Variants in SFT2D2 observed in about 807,000 individuals in gnomAD.
The protein encoded by SFT2D2 is SFT2 domain containing 2.
A neutral mutation model predicts 27.4 loss-of-function variants in SFT2D2; 21 were observed. The observed-to-expected ratio is 0.77, with a 90% CI of 0.54 to 1.10. The LOEUF is 1.10. Among genes scored for constraint, SFT2D2 ranks in the 50% least tolerant of loss-of-function variants. The pLI, the probability that SFT2D2 is intolerant of heterozygous loss-of-function variation, is 0.00. For synonymous variants in SFT2D2, 72 were observed against 71.7 expected, an observed-to-expected ratio of 1.00 and a Z score of -0.02; for missense variants, 187 against 194.2, an observed-to-expected ratio of 0.96 and a Z score of 0.22.
intron 6 of SFT2D2, among the ~76,000 whole-genome samples, chr1:168,238,719 A>G (rs957040799): frequency 2.6e-5 from 4 of 151,938 alleles, no homozygotes; most frequent in Non-Finnish European, 5.9e-5. Context: ...TAAATAAATA[A>G]ATAAAGGAGG....
intron 3 of SFT2D2, among the ~76,000 whole-genome samples, chr1:168,233,945 A>G (rs975463987): frequency 1.1e-4 from 17 of 152,200 alleles, no homozygotes; most frequent in Admixed American, 9.8e-4. Context: ...CTTAGTTGGG[A>G]CACTTGAGAG....
In SFT2D2 at chr1:168,234,123, C is replaced by T. The variant is rs138696900; in HGVS notation, c.237-978C>T. Among the ~76,000 whole-genome samples, 959 of 152,198 alleles carry T rather than the reference C, an allele frequency of 6.3e-3. 7 individuals carry two copies. The highest frequency in any genetic ancestry group is 0.021 in the African/African-American group (857 of 41,516). On this transcript the variant is annotated intron_variant, in intron 3 of 7. Transcript: ENST00000271375. ...TACAGAAAGCATGCTGGGGGCCAGG[C>T]GCAGTGGCTCACGCCTATAATTCCA...
Position 168,246,671 on chromosome 1 carries a change from C to A in SFT2D2, c.*4131C>A. 1 of 1,227,080 alleles carries A rather than the reference C, an allele frequency of 8.1e-7. No homozygotes were observed. The highest frequency in any genetic ancestry group is 1.2e-6 in the Non-Finnish European group (1 of 848,314). 76.0% of individuals were successfully genotyped at this position (1,227,080 alleles called of 1,614,324 possible). ...TCTGTTGAGTGACTTTGATCATGATCATGTAGAGCAACATTCAGTCTACGA... is the reference window on the plus strand; with the variant it reads ...TCTGTTGAGTGACTTTGATCATGATAATGTAGAGCAACATTCAGTCTACGA... On this transcript the variant is annotated 3_prime_UTR_variant, in exon 8 of 8. Coordinates refer to ENST00000271375, the MANE Select transcript of SFT2D2 (RefSeq NM_199344.3).
At chr1:168,231,984 C>G in intron 3 of SFT2D2, 65 bp downstream of exon 3, 1 of 1,424,544 alleles carries the variant, frequency 7.0e-7, no homozygotes, top group Non-Finnish European at 9.9e-7. Context: ...GTTGGTTGCC[C>G]TTGAGGGAGG....
chr1:168,237,861 GTTTTTT>G lies in SFT2D2; in HGVS notation c.413+1100_413+1105del, dbSNP rs34474940. 1.1e-4 allele frequency among the ~76,000 whole-genome samples: 11 copies of G among 98,366 alleles called. No individual in the cohort carries two copies. The South Asian group carries it at 3.1e-3, about 28-fold the overall frequency. The allele number at this position is 98,366 out of a possible 152,430, so 64.5% of individuals were successfully genotyped here. ...TGTTTATGTGTGTGTGTGTGTGTATGTTTTTTTTTTTTTTAAATGACATGCACATTT... is the reference window on the plus strand; with the variant it reads ...TGTTTATGTGTGTGTGTGTGTGTATGTTTTTTTTAAATGACATGCACATTT... On this transcript the variant is annotated intron_variant, in intron 6 of 7. Transcript: ENST00000271375.
chr1:168,231,943 T>G (rs1430116818), intron 3 of SFT2D2, 24 bp downstream of exon 3: 1 of 1,601,996 alleles, frequency 6.2e-7, no homozygotes, highest in South Asian at 1.1e-5. Context: ...AAAAATCCAA[T>G]TTTAGCCAAT....
intron 1 of SFT2D2, among the ~76,000 whole-genome samples, chr1:168,228,762 G>C (rs1700485412): frequency 6.6e-6 from 1 of 152,088 alleles, no homozygotes; most frequent in Non-Finnish European, 1.5e-5. Flanking sequence ...AGAGTGAAAG[G>C]GACCTTTGTG....
intron 1 of SFT2D2, 45 bp downstream of exon 1, chr1:168,226,187 C>A: frequency 6.7e-7 from 1 of 1,500,202 alleles, no homozygotes; most frequent in Non-Finnish European, 8.9e-7. Flanking sequence ...CGCGCTCCCG[C>A]CCTGCGTCCC....
In SFT2D2 at chr1:168,231,525, A is replaced by G. The variant is rs776666124; in HGVS notation, c.75A>G (p.Ala25=). Residue 25 remains alanine, a synonymous_variant, in exon 2 of 8, where the codon GCA becomes GCG. Coordinates refer to ENST00000271375, the MANE Select transcript of SFT2D2 (RefSeq NM_199344.3). ...DRSGLSEVVE[A]SSLSWSTRIK... is the part of the protein sequence containing the mutation. ...TTTTTCAATTTTAGGTTGTTGAGGC[A>G]TCTTCATTAAGCTGGAGTACCAGGA... is the stretch of plus-strand genomic sequence containing the variant. 5 of 1,613,308 alleles carry G rather than the reference A, an allele frequency of 3.1e-6. No individual in the cohort carries two copies. Among genetic ancestry groups the G allele is most frequent in the Admixed American group, 1.7e-5 (1 of 59,966 alleles).
intron 3 of SFT2D2, among the ~76,000 whole-genome samples, chr1:168,232,398 A>G (rs1310604582): frequency 4.6e-5 from 7 of 152,210 alleles, no homozygotes; most frequent in Non-Finnish European, 8.8e-5. Flanking sequence ...TTGTGGATGC[A>G]CACATTTTCC....
At chr1:168,227,217 T>C (rs1700471779) in intron 1 of SFT2D2, among the ~76,000 whole-genome samples, 1 of 152,252 alleles carries the variant, frequency 6.6e-6, no homozygotes, top group Non-Finnish European at 1.5e-5. Flanking sequence ...TGCTTTTAGC[T>C]TTTGTTTTCC....
Position 168,244,979 on chromosome 1 carries a change from T to C in SFT2D2, c.*2439T>C, listed in dbSNP as rs1347925012. 6.6e-6 allele frequency: 1 copy of C among 152,196 alleles called. No homozygotes were observed. Among genetic ancestry groups the C allele is most frequent in the African/African-American group, 2.4e-5 (1 of 41,434 alleles). The allele number at this position is 152,196 out of a possible 1,614,324, so 9.4% of individuals were successfully genotyped here. ...TAAAATATCTACTGCTAACATCCTA[T>C]GTAATGATGAAAGGCTGAATGTTTT... On this transcript the variant is annotated 3_prime_UTR_variant, in exon 8 of 8. Transcript: ENST00000271375.
rs553606771 is a variant in SFT2D2 at position 168,237,388 on chromosome 1, G to A, written c.413+618G>A. Among the ~76,000 whole-genome samples, 3 of 152,272 alleles carry A rather than the reference G, an allele frequency of 2.0e-5. No homozygotes were observed. In the East Asian group the frequency reaches 5.8e-4, roughly 29 times the overall value. On this transcript the variant is annotated intron_variant, in intron 6 of 7. Transcript: ENST00000271375. ...CAGAGCCAAGTATAGTAAAAGGGCCGCTGGAGACATTTTGGGAAACCATGA... is the reference window on the plus strand; with the variant it reads ...CAGAGCCAAGTATAGTAAAAGGGCCACTGGAGACATTTTGGGAAACCATGA...
chr1:168,235,990 A>T (rs1448264451), intron 4 of SFT2D2, among the ~76,000 whole-genome samples: 1 of 152,192 alleles, frequency 6.6e-6, no homozygotes, highest in Non-Finnish European at 1.5e-5. Context: ...TTTAGGACAT[A>T]TTTGAGTAGT....
chr1:168,242,666 T>C lies in SFT2D2; in HGVS notation c.*126T>C. 8.6e-7 allele frequency: 1 copy of C among 1,161,036 alleles called. No homozygotes were observed. The allele number at this position is 1,161,036 out of a possible 1,614,324, so 71.9% of individuals were successfully genotyped here. ...TTTTATCTTGCAGCAATGTGTTGCT[T>C]GTGATTCGAACATTTGAGGGTTACT... On this transcript the variant is annotated 3_prime_UTR_variant, in exon 8 of 8. Transcript: ENST00000271375.
chr1:168,231,889 A>G lies in SFT2D2; in HGVS notation c.206A>G (p.Tyr69Cys), dbSNP rs749206370. The change falls in exon 3 of 8, where the codon TAT (tyrosine) becomes TGT (cysteine). Residue 69 changes from tyrosine (Y) to cysteine (C), a missense_variant. Tyr to Cys is a radical substitution (Grantham distance 194, BLOSUM62 -2). Coordinates refer to ENST00000271375, the MANE Select transcript of SFT2D2 (RefSeq NM_199344.3). ...GGACTACACCTCTTCGCAGTGTTTTATACCTTTGGTAATATCGCATCAATT... is the reference window on the plus strand; with the variant it reads ...GGACTACACCTCTTCGCAGTGTTTTGTACCTTTGGTAATATCGCATCAATT... ...RKGLHLFAVF[Y>C]TFGNIASIGS... 1 of 1,614,038 alleles carries G rather than the reference A, an allele frequency of 6.2e-7. No homozygotes were observed. Among genetic ancestry groups the G allele is most frequent in the African/African-American group, 1.3e-5 (1 of 74,898 alleles).
intron 1 of SFT2D2, among the ~76,000 whole-genome samples, 196 bp from the exon 2 acceptor site, chr1:168,231,314 TAGAG>T (rs1647273173): frequency 6.6e-6 from 1 of 152,220 alleles, no homozygotes; most frequent in Non-Finnish European, 1.5e-5. Flanking sequence ...TGTCAGCTGC[TAGAG>T]AGGAGATTCA....
In SFT2D2 at chr1:168,243,192, T is replaced by G. The variant is rs1001361002; in HGVS notation, c.*652T>G. 5.9e-5 allele frequency: 9 copies of G among 152,300 alleles called. No homozygotes were observed. Among genetic ancestry groups the G allele is most frequent in the Non-Finnish European group, 1.2e-4 (8 of 68,166 alleles). The allele number at this position is 152,300 out of a possible 1,614,324, so 9.4% of individuals were successfully genotyped here. ...TTCTGACATTAGGTGCAGACTCTTT[T>G]TCTCTTGGGTTTTATTTCCCATCCC... is the stretch of plus-strand genomic sequence containing the variant. On this transcript the variant is annotated 3_prime_UTR_variant, in exon 8 of 8. Coordinates refer to ENST00000271375, the MANE Select transcript of SFT2D2 (RefSeq NM_199344.3).
intron 3 of SFT2D2, among the ~76,000 whole-genome samples, chr1:168,234,378 G>A (rs1030696369): frequency 6.6e-6 from 1 of 150,456 alleles, no homozygotes. Context: ...TGGCGACAGA[G>A]TGAGACTCCA....
Sources: gnomAD v4.1 joint callset for allele counts (sites outside exome capture counted in the v4.1 genomes callset) on GRCh38, gnomAD v4.1.1 for gene constraint, MANE v1.5 for transcripts, NCBI Gene and HGNC (gene_info 2026-07-23, HGNC 2026-07-21) for gene names.